GIT2: variants seen among roughly 807,000 people sequenced by gnomAD.
The protein encoded by GIT2 is GIT ArfGAP 2.
Under a neutral mutation model 100.3 loss-of-function variants are expected in GIT2, and 32 were observed. That is an observed-to-expected ratio of 0.32 (90% confidence interval 0.24 to 0.43). The LOEUF is 0.43. Ranked by LOEUF, GIT2 falls within the 20% of genes least tolerant of loss-of-function variation. The pLI is 1.00. For synonymous variants in GIT2, 353 were observed against 364.1 expected, an observed-to-expected ratio of 0.97 and a Z score of 0.35; for missense variants, 737 against 975.1, an observed-to-expected ratio of 0.76 and a Z score of 3.25.
intron 1 of GIT2, among the ~76,000 whole-genome samples, chr12:109,995,933 T>G (rs913616728): frequency 6.6e-6 from 1 of 152,066 alleles, no homozygotes; most frequent in African/African-American, 2.4e-5. Flanking sequence ...CCAGTTGGCC[T>G]AGGACGGAGG....
intron 7 of GIT2, 143 bp from the exon 8 acceptor site, chr12:109,967,646 A>C (rs1442448451): frequency 3.1e-6 from 2 of 655,554 alleles, no homozygotes; most frequent in Non-Finnish European, 5.4e-6. Context: ...CTAGCTAAAA[A>C]TTCCTGAAGA....
chr12:109,944,520 T>G (rs1385941362), intron 16 of GIT2, among the ~76,000 whole-genome samples: 1 of 152,248 alleles, frequency 6.6e-6, no homozygotes, highest in East Asian at 1.9e-4. Flanking sequence ...GCAGGGGCTG[T>G]GCCAGCTAAG....
chr12:109,977,768 G>A (rs1885410074), intron 7 of GIT2, among the ~76,000 whole-genome samples: 1 of 151,858 alleles, frequency 6.6e-6, no homozygotes, highest in Non-Finnish European at 1.5e-5. Flanking sequence ...GTTTCAGTGA[G>A]CCAAGATTGC....
At chr12:109,983,317 A>C (rs1886689838) in intron 6 of GIT2, 56 bp downstream of exon 6, 1 of 1,536,422 alleles carries the variant, frequency 6.5e-7, no homozygotes, top group African/African-American at 1.4e-5. Context: ...CTTAACAAGG[A>C]ATCACACCCA....
Position 109,988,967 on chromosome 12 carries a change from C to T in GIT2, c.401G>A (p.Ser134Asn), listed in dbSNP as rs752447088. Residue 134 changes from serine (S) to asparagine (N), a missense_variant, in exon 4 of 20, where the codon AGC (serine) becomes AAC (asparagine). Ser to Asn is a conservative substitution (Grantham distance 46, BLOSUM62 1). Coordinates refer to ENST00000355312, the MANE Select transcript of GIT2 (RefSeq NM_057169.5). ...DDDSVTAKDL[S>N]KQLHSSVRTG... ...ATTTTAAAAGGTGTGACCCACCTTG[C>T]TAAGATCTTTGGCAGTCACACTATC... 44 of 1,578,968 alleles carry T rather than the reference C, an allele frequency of 2.8e-5. No homozygotes were observed. The highest frequency in any genetic ancestry group is 3.8e-5 in the Non-Finnish European group (44 of 1,148,500).
At chr12:109,989,139 AAAG>A in intron 3 of GIT2, 71 bp from the exon 4 acceptor site, 1 of 941,390 alleles carries the variant, frequency 1.1e-6, no homozygotes, top group Non-Finnish European at 1.7e-6. Flanking sequence ...TGTACTGTAA[AAAG>A]AAGAGGAAGT....
intron 3 of GIT2, 29 bp from the exon 4 acceptor site, chr12:109,989,097 T>G: frequency 7.7e-7 from 1 of 1,306,814 alleles, no homozygotes; most frequent in South Asian, 1.2e-5. Context: ...AGAAAACAGT[T>G]CACTCGTTCA....
chr12:109,937,833 G>A (rs995064688), intron 18 of GIT2, among the ~76,000 whole-genome samples: 10 of 152,182 alleles, frequency 6.6e-5, no homozygotes, highest in African/African-American at 9.7e-5. Context: ...CTTCTGAATA[G>A]CTGGGACTAC....
intron 13 of GIT2, 118 bp from the exon 14 acceptor site, chr12:109,951,434 A>C: frequency 1.3e-6 from 1 of 762,292 alleles, no homozygotes; most frequent in Non-Finnish European, 2.2e-6. Flanking sequence ...GTCAAACCAA[A>C]TCAAGGCCTC....
In GIT2 at chr12:109,947,491, T is replaced by C. The variant is rs765522763; in HGVS notation, c.1406A>G (p.Gln469Arg). 6.2e-7 allele frequency: 1 copy of C among 1,613,806 alleles called. No homozygotes were observed. The highest frequency in any genetic ancestry group is 1.7e-5 in the Admixed American group (1 of 59,982). Residue 469 changes from glutamine (Q) to arginine (R), a missense_variant, in exon 15 of 20, where the codon CAG becomes CGG. This residue lies in a region of GIT2 where 451 missense variants were observed against 543.7 expected (regional missense o/e 0.83). Transcript: ENST00000355312. This position sits in a 1 kb window ranked among gnomAD's most constrained non-coding sequence, Gnocchi z 4.3. ...RIMQKKLQTL[Q>R]SENSNLRKQA... ...TTTCCTGAGGTTCGAATTTTCACTC[T>C]GGAGTGTTTGAAGCTGAAAGAAATG...
intron 1 of GIT2, chr12:109,992,038 C>T: frequency 3.3e-6 from 1 of 302,440 alleles, no homozygotes. Context: ...TAATGTGGAT[C>T]TACCATTTCA....
intron 6 of GIT2, 57 bp from the exon 7 acceptor site, chr12:109,981,103 T>C: frequency 8.6e-7 from 1 of 1,162,928 alleles, no homozygotes; most frequent in Non-Finnish European, 1.3e-6. Flanking sequence ...GACTTTAAAA[T>C]GGAGTACAAA....
In GIT2 at chr12:109,996,160, C is replaced by A. The variant is rs770588505; in HGVS notation, c.52+13G>T. The A allele has an allele frequency of 1.4e-4, 210 of 1,501,748 alleles. No individual in the cohort carries two copies. Among genetic ancestry groups the A allele is most frequent in the Non-Finnish European group, 1.7e-4 (191 of 1,118,552 alleles). 93.0% of individuals were successfully genotyped at this position (1,501,748 alleles called of 1,614,324 possible). A position where few individuals can be genotyped will look rare whatever the true frequency, so the allele number is the denominator to read the frequency against. On this transcript the variant is annotated intron_variant, in intron 1 of 19. Transcript: ENST00000355312. ...GAAAGCAGAGGGGAGCGGGCCCGGC[C>A]GGTGCGACTCACCCGGCCCGCTGCA... is the stretch of plus-strand genomic sequence containing the variant.
rs960566426 is a variant in GIT2, at chr12:109,950,414, T to C, written c.1392+753A>G. On this transcript the variant is annotated intron_variant, in intron 14 of 19. Coordinates refer to ENST00000355312, the MANE Select transcript of GIT2 (RefSeq NM_057169.5). Reference sequence around the variant, plus strand: ...ATGATGAGTGATACCCACAAAGTCATGGGCAAAATTTGCAATTTTTCGAAT... The same window carrying C: ...ATGATGAGTGATACCCACAAAGTCACGGGCAAAATTTGCAATTTTTCGAAT... 3.9e-5 allele frequency among the ~76,000 whole-genome samples: 6 copies of C among 152,254 alleles called. No homozygotes were observed. The East Asian group carries it at 5.8e-4, about 15-fold the overall frequency.
At chr12:109,976,577 C>T (rs1211934024) in intron 7 of GIT2, among the ~76,000 whole-genome samples, 1 of 151,350 alleles carries the variant, frequency 6.6e-6, no homozygotes, top group African/African-American at 2.4e-5. Flanking sequence ...AGCCACCGCG[C>T]CTGGCGTTTT....
At chr12:109,979,884 T>C in intron 7 of GIT2, among the ~76,000 whole-genome samples, 1 of 152,118 alleles carries the variant, frequency 6.6e-6, no homozygotes, top group Non-Finnish European at 1.5e-5. Context: ...TACATGTATG[T>C]GAATGTTGTA....
Position 109,953,870 on chromosome 12 carries a change from C to G in GIT2, c.1100-636G>C, listed in dbSNP as rs570172480. The G allele has an allele frequency of 2.6e-5, 4 of 152,286 alleles. No homozygotes were observed. The South Asian group carries it at 8.3e-4, about 32-fold the overall frequency. 9.4% of individuals were successfully genotyped at this position (152,286 alleles called of 1,614,324 possible). A position where few individuals can be genotyped will look rare whatever the true frequency, so the allele number is the denominator to read the frequency against. ...GTTCCCAAGTTTCTAGAGATAGAGC[C>G]TAGCTCCAGGTCATGAAGATAAGGC... is the stretch of plus-strand genomic sequence containing the variant. On this transcript the variant is annotated intron_variant, in intron 12 of 19. Coordinates refer to ENST00000355312, the MANE Select transcript of GIT2 (RefSeq NM_057169.5).
upstream of GIT2, among the ~76,000 whole-genome samples, chr12:109,996,778 A>C (rs1202385319): frequency 1.3e-5 from 2 of 152,176 alleles, no homozygotes; most frequent in African/African-American, 2.4e-5. Flanking sequence ...TAAAATAAGA[A>C]TATATTATAT....
chr12:109,980,095 G>T (rs11069168), intron 7 of GIT2, among the ~76,000 whole-genome samples: 18,632 of 152,052 alleles, frequency 0.12, 1,478 homozygotes, highest in South Asian at 0.24. Context: ...AGAGTTGGGG[G>T]TCTTGCTTTG....
Sources: allele counts gnomAD v4.1 joint callset (sites outside exome capture counted in the v4.1 genomes callset), GRCh38; gene constraint gnomAD v4.1.1; regional missense constraint gnomAD v4.1.1; non-coding constraint Gnocchi (gnomAD v3.1); transcripts MANE v1.5; gene names NCBI Gene and HGNC (gene_info 2026-07-23, HGNC 2026-07-21).